The following URI1 variants were observed in gnomAD, a reference collection of about 807,000 sequenced individuals.
URI1 encodes the protein unconventional prefoldin RPB5 interactor 1.
Under a neutral mutation model 60.2 loss-of-function variants are expected in URI1, and 39 were observed. The ratio of observed to expected loss-of-function variants is 0.65; its 90% confidence interval spans 0.50 to 0.85. The LOEUF is 0.85. Ranked by LOEUF, URI1 falls within the 40% of genes least tolerant of loss-of-function variation. URI1 has a pLI of 0.00. For missense variants in URI1, 691 were observed against 665.9 expected, an observed-to-expected ratio of 1.04 and a Z score of -0.42; for synonymous variants, 251 against 236.8, an observed-to-expected ratio of 1.06 and a Z score of -0.55.
chr19:29,986,722 C>T (rs558543180), intron 4 of URI1, among the ~76,000 whole-genome samples: 4 of 152,202 alleles, frequency 2.6e-5, no homozygotes, highest in Admixed American at 2.0e-4. Context: ...TCATTTTATA[C>T]CTTATAATTT....
chr19:29,981,276 T>C (rs993089222), intron 2 of URI1, among the ~76,000 whole-genome samples: 2 of 152,218 alleles, frequency 1.3e-5, no homozygotes, highest in Non-Finnish European at 2.9e-5. Flanking sequence ...TCCATTTTTT[T>C]CTGATGAATT....
chr19:29,946,566 G>A (rs1290802334), intron 1 of URI1, among the ~76,000 whole-genome samples: 1 of 152,154 alleles, frequency 6.6e-6, no homozygotes, highest in Non-Finnish European at 1.5e-5. Context: ...TTCTCACTTG[G>A]AATTTTGGAA....
chr19:29,981,682 A>C (rs1043220008), intron 2 of URI1, among the ~76,000 whole-genome samples: 1 of 152,176 alleles, frequency 6.6e-6, no homozygotes, highest in Non-Finnish European at 1.5e-5. Flanking sequence ...AACCTGATCT[A>C]TAAGGATCCA....
At chr19:29,930,729 C>G (rs992078676) in intron 1 of URI1, among the ~76,000 whole-genome samples, 2 of 152,080 alleles carry the variant, frequency 1.3e-5, no homozygotes, top group Admixed American at 6.6e-5. Flanking sequence ...AAGTCTTGCT[C>G]TGTCATCCAG....
At chr19:29,993,538 C>G (rs2055772409) in intron 4 of URI1, among the ~76,000 whole-genome samples, 1 of 151,862 alleles carries the variant, frequency 6.6e-6, no homozygotes, top group South Asian at 2.1e-4. Context: ...TTTAGGAATA[C>G]ATTTTTAGGC....
intron 4 of URI1, among the ~76,000 whole-genome samples, chr19:29,990,496 A>T (rs2055733060): frequency 6.6e-6 from 1 of 152,356 alleles, no homozygotes; most frequent in South Asian, 2.1e-4. Flanking sequence ...GAAACAACCT[A>T]AATGTCTATC....
chr19:30,016,281 G>A lies in URI1; in HGVS notation c.*1212G>A, dbSNP rs192864764. ...ATATGTATTTTAATGACAAGGGGGC[G>A]AGCTTGCATCCCCACTAGTTAATGG... is the stretch of plus-strand genomic sequence containing the variant. On this transcript the variant is annotated 3_prime_UTR_variant, in exon 11 of 11. Transcript: ENST00000392271. 1.7e-4 allele frequency: 26 copies of A among 152,230 alleles called. No homozygotes were observed. Among genetic ancestry groups the A allele is most frequent in the African/African-American group, 6.0e-4 (25 of 41,568 alleles). The allele number at this position is 152,230 out of a possible 1,614,324, so 9.4% of individuals were successfully genotyped here.
At chr19:29,952,157 A>T (rs1599667461) in intron 1 of URI1, among the ~76,000 whole-genome samples, 1 of 152,330 alleles carries the variant, frequency 6.6e-6, no homozygotes, top group East Asian at 1.9e-4. Context: ...TAATTTTTGC[A>T]AATAATTTAC....
At chr19:29,956,854 G>C in intron 1 of URI1, 1 of 1,549,928 alleles carries the variant, frequency 6.5e-7, no homozygotes, top group Non-Finnish European at 8.9e-7. Context: ...CAAGGAGTCT[G>C]AGTTCTACGT....
chr19:30,015,815 A>G lies in URI1; in HGVS notation c.*746A>G. 1 of 410,758 alleles carries G rather than the reference A, an allele frequency of 2.4e-6. No individual in the cohort carries two copies. Among genetic ancestry groups the G allele is most frequent in the Non-Finnish European group, 4.3e-6 (1 of 233,320 alleles). 25.4% of individuals were successfully genotyped at this position (410,758 alleles called of 1,614,324 possible). A position where few individuals can be genotyped will look rare whatever the true frequency, so the allele number is the denominator to read the frequency against. ...CTGGAATTCTTTCAGTTCCTCAGAT[A>G]CTTCTCCCTTAGTTTTTGCAGTTTC... On this transcript the variant is annotated 3_prime_UTR_variant, in exon 11 of 11. Transcript: ENST00000392271.
chr19:29,950,195 A>C (rs1322777854), intron 1 of URI1, among the ~76,000 whole-genome samples: 1 of 12,770 alleles, frequency 7.8e-5, no homozygotes, highest in Admixed American at 7.0e-4. Flanking sequence ...CAAGGAGGAA[A>C]AAACCCATTT....
At chr19:29,953,356 C>CA (rs969641419) in intron 1 of URI1, among the ~76,000 whole-genome samples, 48 of 149,800 alleles carry the variant, frequency 3.2e-4, no homozygotes, top group African/African-American at 1.0e-3. Context: ...TTCCCTTCAT[C>CA]AAAAAAAAAA....
intron 2 of URI1, among the ~76,000 whole-genome samples, chr19:29,974,290 A>G (rs766687733): frequency 1.3e-5 from 2 of 152,038 alleles, no homozygotes; most frequent in Non-Finnish European, 2.9e-5. Context: ...GAAAATTTTA[A>G]TTGTCAGACA....
At chr19:29,991,540 T>C (rs1009843281) in intron 4 of URI1, among the ~76,000 whole-genome samples, 2 of 152,216 alleles carry the variant, frequency 1.3e-5, no homozygotes, top group African/African-American at 4.8e-5. Context: ...TCATGCCTTT[T>C]GTAAATAGCT....
chr19:29,998,812 G>C (rs1161323847), intron 4 of URI1, among the ~76,000 whole-genome samples: 2 of 151,916 alleles, frequency 1.3e-5, no homozygotes, highest in Non-Finnish European at 2.9e-5. Flanking sequence ...TACATGTATA[G>C]TAATTACTGA....
chr19:30,009,999 T>A (rs2055997596), intron 8 of URI1, among the ~76,000 whole-genome samples: 1 of 152,134 alleles, frequency 6.6e-6, no homozygotes, highest in African/African-American at 2.4e-5. Flanking sequence ...CAAAGCAGCT[T>A]GGCTCTGATT....
intron 1 of URI1, among the ~76,000 whole-genome samples, chr19:29,965,429 A>G (rs1265093093): frequency 6.6e-6 from 1 of 152,204 alleles, no homozygotes; most frequent in African/African-American, 2.4e-5. Context: ...GTAGGTCACA[A>G]TTTCTTATCT....
intron 1 of URI1, among the ~76,000 whole-genome samples, chr19:29,954,105 C>A (rs2055213118): frequency 6.6e-6 from 1 of 152,182 alleles, no homozygotes; most frequent in Non-Finnish European, 1.5e-5. Flanking sequence ...ATAGTGAAAA[C>A]CTTGGTTCTC....
chr19:30,009,942 T>C (rs924854562), intron 8 of URI1, among the ~76,000 whole-genome samples: 2 of 152,178 alleles, frequency 1.3e-5, no homozygotes, highest in African/African-American at 2.4e-5. Context: ...TGAAAAGCCT[T>C]TTGTTCCCTC....
Sources: gnomAD v4.1 joint callset for allele counts (sites outside exome capture counted in the v4.1 genomes callset) on GRCh38, gnomAD v4.1.1 for gene constraint, MANE v1.5 for transcripts, NCBI Gene and HGNC (gene_info 2026-07-23, HGNC 2026-07-21) for gene names.